The following UBE2Z variants were observed in gnomAD, a reference collection of about 807,000 sequenced individuals.
The protein encoded by UBE2Z is ubiquitin-conjugating enzyme E2 Z.
Under a neutral mutation model 32.6 loss-of-function variants are expected in UBE2Z, and 10 were observed. That is an observed-to-expected ratio of 0.31 (90% CI 0.19 to 0.52). The LOEUF (loss-of-function observed/expected upper bound fraction) is 0.52, where lower values mean the gene tolerates loss of function less well. UBE2Z is among the 20% of genes least tolerant of loss of function. The pLI is 0.97. For missense variants in UBE2Z, 343 were observed against 480.9 expected, an observed-to-expected ratio of 0.71 and a Z score of 2.68; for synonymous variants, 183 against 190.8, an observed-to-expected ratio of 0.96 and a Z score of 0.34.
chr17:48,908,930 G>C, intron 1 of UBE2Z, 110 bp downstream of exon 1: 1 of 886,966 alleles, frequency 1.1e-6, no homozygotes, highest in Non-Finnish European at 1.5e-6. Context: ...TGCCCTCGCG[G>C]CGGCCCACCT....
At position 48,911,700 on chromosome 17, in the gene UBE2Z, A is replaced by T. The variant is rs533369312; in HGVS notation, c.390+820A>T. ...TTATGTAGTTAGAAATGTTTTTCCT[A>T]GGACATCTCGTCCTCAGTCAAGTAC... On this transcript the variant is annotated intron_variant, in intron 2 of 6. Transcript: ENST00000360943. 2.0e-5 allele frequency: 3 copies of T among 152,194 alleles called. No homozygotes were observed. The East Asian group carries it at 5.8e-4, about 29-fold the overall frequency. 9.4% of individuals were successfully genotyped at this position (152,194 alleles called of 1,614,324 possible). A position where few individuals can be genotyped will look rare whatever the true frequency, so the allele number is the denominator to read the frequency against.
At chr17:48,919,292 A>G (rs992846581) in intron 4 of UBE2Z, among the ~76,000 whole-genome samples, 12 of 151,844 alleles carry the variant, frequency 7.9e-5, no homozygotes, top group African/African-American at 2.4e-5. Flanking sequence ...CCCATCAGCT[A>G]TTTTTATCAG....
At chr17:48,918,421 C>T (rs539486067) in intron 4 of UBE2Z, among the ~76,000 whole-genome samples, 42 of 151,462 alleles carry the variant, frequency 2.8e-4, no homozygotes, top group African/African-American at 9.9e-4. Context: ...GCAGCCTCCA[C>T]CTCCCAGGGT....
At chr17:48,918,783 G>A (rs1598074837) in intron 4 of UBE2Z, among the ~76,000 whole-genome samples, 1 of 118,924 alleles carries the variant, frequency 8.4e-6, no homozygotes, top group African/African-American at 3.1e-5. Flanking sequence ...CTCTCACTCT[G>A]TCACCCAGGC....
At position 48,908,581 on chromosome 17, in the gene UBE2Z, T is replaced by A. The variant is rs2040646826; in HGVS notation, c.78T>A (p.Gly26=). 1 of 1,238,740 alleles carries A rather than the reference T, an allele frequency of 8.1e-7. No individual in the cohort carries two copies. The allele number at this position is 1,238,740 out of a possible 1,614,324, so 76.7% of individuals were successfully genotyped here. A position where few individuals can be genotyped will look rare whatever the true frequency, so the allele number is the denominator to read the frequency against. Reference sequence around the variant, plus strand: ...GCCCCGGGGCGAGCAGCGTTGCTGGTGTTGTTGGCGTTAGCGGCAGCGGCG... The same window carrying A: ...GCCCCGGGGCGAGCAGCGTTGCTGGAGTTGTTGGCGTTAGCGGCAGCGGCG... ...AAGPGASSVA[G]VVGVSGSGGG... The change falls in exon 1 of 7, where the codon GGT becomes GGA. Residue 26 remains glycine (G), a synonymous_variant. Coordinates refer to ENST00000360943, the MANE Select transcript of UBE2Z (RefSeq NM_023079.5).
At position 48,929,005 on chromosome 17, in the gene UBE2Z, T is replaced by G. The variant is rs1056553110; in HGVS notation, c.*1871T>G. On this transcript the variant is annotated 3_prime_UTR_variant, in exon 7 of 7. Coordinates refer to ENST00000360943, the MANE Select transcript of UBE2Z (RefSeq NM_023079.5). ...ATCTGACTGTATATAAATGAAGTTT[T>G]TTTGTTTTTTTTGTTTTCCTTTTTG... 5 of 148,864 alleles carry G rather than the reference T, an allele frequency of 3.4e-5. No homozygotes were observed. The highest frequency in any genetic ancestry group is 2.0e-4 in the Admixed American group (3 of 15,014). 9.2% of individuals were successfully genotyped at this position (148,864 alleles called of 1,614,324 possible).
chr17:48,909,236 G>A (rs1482066911), intron 1 of UBE2Z, among the ~76,000 whole-genome samples: 4 of 133,910 alleles, frequency 3.0e-5, no homozygotes, highest in Non-Finnish European at 6.3e-5. Flanking sequence ...CCCACCCATC[G>A]GTCCCCTCTC....
intron 2 of UBE2Z, 42 bp downstream of exon 2, chr17:48,910,922 G>A: frequency 6.6e-7 from 1 of 1,516,396 alleles, no homozygotes; most frequent in Non-Finnish European, 9.2e-7. Context: ...TGGGAAATTG[G>A]GGGCCATAAG....
rs1344720033 is a variant in UBE2Z at position 48,928,025 on chromosome 17, G to A, written c.*891G>A. 6.6e-6 allele frequency: 1 copy of A among 152,462 alleles called. No homozygotes were observed. Among genetic ancestry groups the A allele is most frequent in the Non-Finnish European group, 1.5e-5 (1 of 68,268 alleles). The allele number at this position is 152,462 out of a possible 1,614,324, so 9.4% of individuals were successfully genotyped here. A position where few individuals can be genotyped will look rare whatever the true frequency, so the allele number is the denominator to read the frequency against. On this transcript the variant is annotated 3_prime_UTR_variant, in exon 7 of 7. Coordinates refer to ENST00000360943, the MANE Select transcript of UBE2Z (RefSeq NM_023079.5). Reference sequence around the variant, plus strand: ...TTCATAAATACTAGTCACAATAAGGGTATTTTTCTTGGGGGTGGAGTAAGG... The same window carrying A: ...TTCATAAATACTAGTCACAATAAGGATATTTTTCTTGGGGGTGGAGTAAGG...
At position 48,915,871 on chromosome 17, in the gene UBE2Z, C is replaced by CCT. The variant is rs547592713; in HGVS notation, c.579-204_579-203insTC. The CCT allele has an allele frequency of 4.4e-3, 1,332 of 303,962 alleles. 135 individuals carry two copies. The highest frequency in any genetic ancestry group is 6.4e-3 in the Non-Finnish European group (1,055 of 165,636). 18.8% of individuals were successfully genotyped at this position (303,962 alleles called of 1,614,324 possible). On this transcript the variant is annotated intron_variant, in intron 3 of 6. Coordinates refer to ENST00000360943, the MANE Select transcript of UBE2Z (RefSeq NM_023079.5). ...TGCTATTACCTGTTCTTTTGCCCCC[C>CCT]CCCCTTGATTTGAGGATTAGGCAAT...
At chr17:48,920,100 A>G (rs868819857) in intron 4 of UBE2Z, among the ~76,000 whole-genome samples, 1 of 152,206 alleles carries the variant, frequency 6.6e-6, no homozygotes. Flanking sequence ...GGAGAGGAGC[A>G]TCGCTTGAGC....
intron 1 of UBE2Z, among the ~76,000 whole-genome samples, chr17:48,909,982 C>T (rs995819659): frequency 6.6e-6 from 1 of 152,224 alleles, no homozygotes; most frequent in African/African-American, 2.4e-5. Flanking sequence ...TTTTCCTCCT[C>T]CAGCCATTTC....
chr17:48,924,593 C>G (rs2040784290), intron 6 of UBE2Z, among the ~76,000 whole-genome samples: 1 of 150,672 alleles, frequency 6.6e-6, no homozygotes, highest in African/African-American at 2.4e-5. Flanking sequence ...TGCCTATAAT[C>G]CCAGCACTTT....
intron 3 of UBE2Z, among the ~76,000 whole-genome samples, chr17:48,913,318 C>T (rs2040693816): frequency 6.6e-6 from 1 of 152,082 alleles, no homozygotes; most frequent in African/African-American, 2.4e-5. Context: ...ACAAAAGAAA[C>T]TCTGGGGTTG....
At chr17:48,910,945 T>C (rs2040672807) in intron 2 of UBE2Z, 65 bp downstream of exon 2, 2 of 1,273,056 alleles carry the variant, frequency 1.6e-6, no homozygotes, top group Non-Finnish European at 2.3e-6. Flanking sequence ...TGCAAAAGCC[T>C]AAAAGAGATT....
Position 48,908,489 on chromosome 17 carries a change from G to A in UBE2Z, c.-15G>A, listed in dbSNP as rs572648917. On this transcript the variant is annotated 5_prime_UTR_variant, in exon 1 of 7. Coordinates refer to ENST00000360943, the MANE Select transcript of UBE2Z (RefSeq NM_023079.5). ...GGCGGACGTGCTGCCGAGTAGTCCC[G>A]GAAGCGAAGCAGCGATGGCGGAGAG... The A allele has an allele frequency of 4.9e-6, 6 of 1,232,982 alleles. No individual in the cohort carries two copies. The highest frequency in any genetic ancestry group is 4.7e-5 in the African/African-American group (3 of 64,376). 76.4% of individuals were successfully genotyped at this position (1,232,982 alleles called of 1,614,324 possible).
In UBE2Z at chr17:48,912,999, A is replaced by C; in HGVS notation, c.556A>C (p.Lys186Gln). ...TAACCCCAACTTCTACCGCAATGGG[A>C]AAGTCTGCTTGAGTATTCTAGGGTA... ...RFNPNFYRNG[K>Q]VCLSILGTWT... The change falls in exon 3 of 7, where the codon AAA becomes CAA. Residue 186 changes from lysine (K) to glutamine (Q), a missense_variant. By Grantham distance (53) the Lys-to-Gln change is moderately conservative. This residue lies in a region of UBE2Z where 182 missense variants were observed against 312.4 expected (regional missense o/e 0.58). Transcript: ENST00000360943. 6.2e-7 allele frequency: 1 copy of C among 1,613,906 alleles called. No homozygotes were observed. Among genetic ancestry groups the C allele is most frequent in the Non-Finnish European group, 8.5e-7 (1 of 1,179,876 alleles).
intron 6 of UBE2Z, among the ~76,000 whole-genome samples, chr17:48,925,756 T>C (rs942682131): frequency 1.3e-5 from 2 of 152,072 alleles, no homozygotes; most frequent in African/African-American, 2.4e-5. Context: ...AGCTCCATAG[T>C]AGTAAATGTG....
At chr17:48,916,258 G>GTTTTTTTGTTT in intron 4 of UBE2Z, 71 bp downstream of exon 4, 1 of 415,732 alleles carries the variant, frequency 2.4e-6, no homozygotes, top group East Asian at 5.5e-5. Flanking sequence ...TGGTTTTTTT[G>GTTTTTTTGTTT]TTTTTTTTTT....
Sources: allele counts gnomAD v4.1 joint callset (sites outside exome capture counted in the v4.1 genomes callset), GRCh38; gene constraint gnomAD v4.1.1; regional missense constraint gnomAD v4.1.1; transcripts MANE v1.5; gene names NCBI Gene and HGNC (gene_info 2026-07-23, HGNC 2026-07-21).